Variants in CISD1 observed in about 807,000 individuals in gnomAD.
CISD1 encodes the protein CDGSH iron sulfur domain 1.
A neutral mutation model predicts 12.0 loss-of-function variants in CISD1; 8 were observed. That is an observed-to-expected ratio of 0.67 (90% CI 0.39 to 1.20). The LOEUF (loss-of-function observed/expected upper bound fraction) is 1.20. Among genes scored for constraint, CISD1 ranks in the 50% most tolerant of loss-of-function variants. The pLI is 0.01. For synonymous variants in CISD1, 38 were observed against 42.2 expected (o/e 0.90, Z 0.39); for missense variants, 107 against 132.7 (o/e 0.81, Z 0.95).
At chr10:58,286,204 C>CAA (rs755174757) in intron 2 of CISD1, among the ~76,000 whole-genome samples, 1 of 85,934 alleles carries the variant, frequency 1.2e-5, no homozygotes, top group Non-Finnish European at 2.4e-5. Context: ...GACTCCGTTT[C>CAA]AAAAAAAAAA....
At chr10:58,281,889 C>A (rs1279866543) in intron 2 of CISD1, among the ~76,000 whole-genome samples, 1 of 151,976 alleles carries the variant, frequency 6.6e-6, no homozygotes, top group Non-Finnish European at 1.5e-5. Context: ...AAAAACATAT[C>A]CCTCCCTTTT....
chr10:58,285,316 C>G (rs1307870361), intron 2 of CISD1, among the ~76,000 whole-genome samples: 1 of 152,158 alleles, frequency 6.6e-6, no homozygotes, highest in Admixed American at 6.5e-5. Context: ...AATTTGATTA[C>G]TTTAACATTA....
At chr10:58,285,416 A>G (rs143100308) in intron 2 of CISD1, among the ~76,000 whole-genome samples, 293 of 152,310 alleles carry the variant, frequency 1.9e-3, no homozygotes, top group African/African-American at 6.7e-3. Context: ...GCACGTAATG[A>G]GGTACTTGTT....
chr10:58,273,023 G>A (rs926144754), intron 1 of CISD1, among the ~76,000 whole-genome samples: 7 of 152,180 alleles, frequency 4.6e-5, no homozygotes, highest in African/African-American at 1.7e-4. Context: ...TATTCCCTGT[G>A]TGTGTCTGAA....
chr10:58,284,956 A>G (rs569911562), intron 2 of CISD1, among the ~76,000 whole-genome samples: 2 of 152,318 alleles, frequency 1.3e-5, no homozygotes, highest in East Asian at 3.9e-4. Context: ...CTGTAAAATC[A>G]TCTGTGTTTG....
In CISD1 at chr10:58,287,683, C is replaced by G. The variant is rs375497740; in HGVS notation, c.*33C>G. The G allele has an allele frequency of 2.8e-6, 4 of 1,406,756 alleles. No homozygotes were observed. The highest frequency in any genetic ancestry group is 3.0e-6 in the Non-Finnish European group (3 of 1,008,966). The allele number at this position is 1,406,756 out of a possible 1,614,324, so 87.1% of individuals were successfully genotyped here. A position where few individuals can be genotyped will look rare whatever the true frequency, so the allele number is the denominator to read the frequency against. On this transcript the variant is annotated 3_prime_UTR_variant, in exon 3 of 3. Coordinates refer to ENST00000333926, the MANE Select transcript of CISD1 (RefSeq NM_018464.5). ...CTTTTGATGCTGCAAATCAGCTTGT[C>G]GTGAAGTTACCTGATTGTTTAATTA...
intron 1 of CISD1, among the ~76,000 whole-genome samples, chr10:58,272,823 G>A (rs1330652381): frequency 6.6e-6 from 1 of 152,160 alleles, no homozygotes; most frequent in Non-Finnish European, 1.5e-5. Flanking sequence ...GGAGGCTGAG[G>A]CACGAGAATT....
At chr10:58,269,400 C>A in intron 1 of CISD1, 96 bp downstream of exon 1, 2 of 1,161,550 alleles carry the variant, frequency 1.7e-6, no homozygotes, top group Non-Finnish European at 2.5e-6. Context: ...CCTACGCGCC[C>A]GCCGGTCCTA....
At chr10:58,287,426 T>C (rs1443849390) in intron 2 of CISD1, 135 bp from the exon 3 acceptor site, 4 of 524,558 alleles carry the variant, frequency 7.6e-6, no homozygotes, top group Non-Finnish European at 1.3e-5. Context: ...AGTTTACATA[T>C]GCTGTTTAAG....
At chr10:58,286,634 C>T (rs1839433121) in intron 2 of CISD1, among the ~76,000 whole-genome samples, 2 of 152,094 alleles carry the variant, frequency 1.3e-5, no homozygotes. Context: ...GAGTGTCTTG[C>T]AGGATTCAGG....
At chr10:58,278,646 C>T (rs2590364) in intron 2 of CISD1, among the ~76,000 whole-genome samples, 51,474 of 152,084 alleles carry the variant, frequency 0.34, 10,958 homozygotes, top group African/African-American at 0.61. Context: ...GGGGATCTCT[C>T]CCCATAGTAG....
chr10:58,273,883 C>G (rs2132277566), intron 1 of CISD1, among the ~76,000 whole-genome samples: 1 of 152,294 alleles, frequency 6.6e-6, no homozygotes, highest in Non-Finnish European at 1.5e-5. Context: ...CCTGTAATCC[C>G]AGCACTTTGG....
chr10:58,282,055 G>C (rs1447022083), intron 2 of CISD1, among the ~76,000 whole-genome samples: 1 of 151,630 alleles, frequency 6.6e-6, no homozygotes, highest in Non-Finnish European at 1.5e-5. Context: ...TCCACCTTCT[G>C]GGTTCAAGCA....
At chr10:58,280,970 A>G (rs551700622) in intron 2 of CISD1, among the ~76,000 whole-genome samples, 21 of 152,364 alleles carry the variant, frequency 1.4e-4, no homozygotes, top group African/African-American at 4.8e-4. Flanking sequence ...AAGAAACGAC[A>G]GAAGTCTATG....
chr10:58,287,476 A>G (rs1357799946), intron 2 of CISD1, 85 bp from the exon 3 acceptor site: 3 of 871,590 alleles, frequency 3.4e-6, no homozygotes, highest in Non-Finnish European at 5.2e-6. Context: ...TTTATGTTAT[A>G]TGAATTAAGC....
rs1839325449 is a variant in CISD1, at chr10:58,277,243, A to G, written c.158A>G (p.Asn53Ser). 1 of 1,613,018 alleles carries G rather than the reference A, an allele frequency of 6.2e-7. No homozygotes were observed. The highest frequency in any genetic ancestry group is 8.5e-7 in the Non-Finnish European group (1 of 1,179,494). ...ATAAACCTTCACATCCAGAAAGACA[A>G]CCCCAAGATAGTACATGCTTTTGAC... ...AMINLHIQKDNPKIVHAFDME... is the reference protein window; with the variant it reads ...AMINLHIQKDSPKIVHAFDME... Residue 53 changes from asparagine to serine, a missense_variant, in exon 2 of 3, where the codon AAC becomes AGC. Physicochemically the swap from Asn to Ser is conservative, Grantham distance 46. Transcript: ENST00000333926.
At chr10:58,271,370 A>G (rs1469556796) in intron 1 of CISD1, among the ~76,000 whole-genome samples, 1 of 152,126 alleles carries the variant, frequency 6.6e-6, no homozygotes, top group Non-Finnish European at 1.5e-5. Flanking sequence ...AAAAGCATGC[A>G]AGTTGTCATG....
intron 1 of CISD1, chr10:58,276,038 A>T (rs1001140134): frequency 6.6e-6 from 1 of 152,172 alleles, no homozygotes; most frequent in South Asian, 2.1e-4. Context: ...CTTATTTCAA[A>T]CACTGAAGAT....
intron 2 of CISD1, among the ~76,000 whole-genome samples, chr10:58,285,098 G>A (rs1839414497): frequency 6.6e-6 from 1 of 152,006 alleles, no homozygotes; most frequent in South Asian, 2.1e-4. Context: ...TTGCATCAAG[G>A]CTTGTTTCTA....
Sources: gnomAD v4.1 joint callset for allele counts (sites outside exome capture counted in the v4.1 genomes callset) on GRCh38, gnomAD v4.1.1 for gene constraint, MANE v1.5 for transcripts, NCBI Gene and HGNC (gene_info 2026-07-23, HGNC 2026-07-21) for gene names.